The following PPP1R12B variants were observed in gnomAD, a reference collection of about 807,000 sequenced individuals.
PPP1R12B encodes protein phosphatase 1 regulatory subunit 12B.
In PPP1R12B, 76 loss-of-function variants were observed where a neutral mutation model predicts 126.1. That is an observed-to-expected ratio of 0.60 (90% CI 0.50 to 0.73). The LOEUF is 0.73. Among genes scored for constraint, PPP1R12B ranks in the 30% least tolerant of loss-of-function variants. PPP1R12B has a pLI of 0.00. For missense variants in PPP1R12B, 1,052 were observed against 1,205.1 expected (o/e 0.87, Z 1.88); for synonymous variants, 356 against 434.7 (o/e 0.82, Z 2.25).
rs1346811466 is a variant in PPP1R12B, at chr1:202,582,350, C to A, written c.*1790C>A. The A allele has an allele frequency of 6.6e-6, 1 of 152,596 alleles. No individual in the cohort carries two copies. The highest frequency in any genetic ancestry group is 2.4e-5 in the African/African-American group (1 of 41,434). The allele number at this position is 152,596 out of a possible 1,614,324, so 9.5% of individuals were successfully genotyped here. On this transcript the variant is annotated 3_prime_UTR_variant, in exon 24 of 24. Transcript: ENST00000608999. ...TTAAACCATTAGTTCTTGATGATAA[C>A]CTAGCATTAATACTTACAGTATTTT...
rs1668454868 is a variant in PPP1R12B at position 202,419,160 on chromosome 1, G to A, written c.422+2243G>A. Reference sequence around the variant, plus strand: ...CAGGCTCAATGCTAGTTAGCTGGGTGTTTTTACATTTTTTTTATGAATAAA... The same window carrying A: ...CAGGCTCAATGCTAGTTAGCTGGGTATTTTTACATTTTTTTTATGAATAAA... On this transcript the variant is annotated intron_variant, in intron 2 of 23. Transcript: ENST00000608999. This position sits in a 1 kb window ranked among gnomAD's most constrained non-coding sequence, Gnocchi z 4.6. Among the ~76,000 whole-genome samples, 3 of 152,162 alleles carry A rather than the reference G, an allele frequency of 2.0e-5. No individual in the cohort carries two copies. In the South Asian group the frequency reaches 6.2e-4, roughly 32 times the overall value.
chr1:202,462,026 C>G (rs1674367078), intron 13 of PPP1R12B, among the ~76,000 whole-genome samples: 1 of 152,138 alleles, frequency 6.6e-6, no homozygotes, highest in Non-Finnish European at 1.5e-5. Flanking sequence ...TGTTGTTTTG[C>G]AAACAAGTAC....
chr1:202,439,304 C>T (rs1671286102), intron 10 of PPP1R12B: 1 of 1,416,270 alleles, frequency 7.1e-7, no homozygotes. Context: ...ACAGTGAGGC[C>T]ATCTCCATCC....
In PPP1R12B at chr1:202,493,266, A is replaced by G. The variant is rs776270586; in HGVS notation, c.2094A>G (p.Ala698=). The change falls in exon 15 of 24, where the codon GCA becomes GCG. Residue 698 remains alanine (A), a synonymous_variant. Transcript: ENST00000608999. Reference sequence around the variant, plus strand: ...AGCATGAGCCCTCAGCAGTTCCAGCAACAGAAGCTGGGGAGGGCCAGCAGC... The same window carrying G: ...AGCATGAGCCCTCAGCAGTTCCAGCGACAGAAGCTGGGGAGGGCCAGCAGC... ...PEKHEPSAVP[A]TEAGEGQQPW... is the part of the protein sequence containing the mutation. The G allele has an allele frequency of 5.6e-6, 9 of 1,612,748 alleles. No homozygotes were observed. Among genetic ancestry groups the G allele is most frequent in the African/African-American group, 1.3e-5 (1 of 74,902 alleles).
intron 18 of PPP1R12B, among the ~76,000 whole-genome samples, chr1:202,506,552 T>C (rs1680821744): frequency 6.6e-6 from 1 of 152,214 alleles, no homozygotes; most frequent in Non-Finnish European, 1.5e-5. Context: ...TGTTTGGACT[T>C]CTCTCATGCA....
chr1:202,439,644 T>TC, intron 10 of PPP1R12B: 1 of 766,668 alleles, frequency 1.3e-6, no homozygotes, highest in Non-Finnish European at 2.2e-6. Context: ...AGGCTCCCTG[T>TC]CCACTGCCCT....
chr1:202,446,238 A>C (rs10920406), intron 12 of PPP1R12B, among the ~76,000 whole-genome samples: 2,286 of 74,730 alleles, frequency 0.031, 38 homozygotes, highest in East Asian at 0.13. Flanking sequence ...CTCTCTCTCT[A>C]TATATATATA....
intron 11 of PPP1R12B, among the ~76,000 whole-genome samples, 189 bp downstream of exon 11, chr1:202,440,977 A>G (rs1226075354): frequency 6.6e-6 from 1 of 152,070 alleles, no homozygotes; most frequent in Non-Finnish European, 1.5e-5. Flanking sequence ...TATTTTTCAA[A>G]TTCTAACTCC....
At chr1:202,395,757 T>G (rs759084189) in intron 1 of PPP1R12B, among the ~76,000 whole-genome samples, 3 of 152,222 alleles carry the variant, frequency 2.0e-5, no homozygotes, top group Non-Finnish European at 4.4e-5. Flanking sequence ...TCTGTTTACT[T>G]TAATAACACT....
chr1:202,493,099 G>C lies in PPP1R12B; in HGVS notation c.1942-15G>C. On this transcript the variant is annotated splice_polypyrimidine_tract_variant and intron_variant, in intron 14 of 23. Coordinates refer to ENST00000608999, the MANE Select transcript of PPP1R12B (RefSeq NM_002481.4). ...GTTAGTGTGAAACAGCCCTGATCTT[G>C]TGATATTTTCCCAGGGTGTCACCCT... The C allele has an allele frequency of 6.2e-7, 1 of 1,609,088 alleles. No individual in the cohort carries two copies. The highest frequency in any genetic ancestry group is 1.1e-5 in the South Asian group (1 of 90,918).
chr1:202,472,492 G>T (rs1676059611), intron 13 of PPP1R12B, among the ~76,000 whole-genome samples: 2 of 152,134 alleles, frequency 1.3e-5, no homozygotes, highest in Non-Finnish European at 1.5e-5. Flanking sequence ...GCTTGAATCT[G>T]CCATTCTTAC....
At chr1:202,466,577 C>G (rs1369940209) in intron 13 of PPP1R12B, among the ~76,000 whole-genome samples, 5 of 152,104 alleles carry the variant, frequency 3.3e-5, no homozygotes, top group Admixed American at 6.5e-5. Flanking sequence ...ACTCAGATCT[C>G]TCTCTCCAGC....
At chr1:202,457,013 C>T (rs1673727361) in intron 13 of PPP1R12B, among the ~76,000 whole-genome samples, 1 of 152,124 alleles carries the variant, frequency 6.6e-6, no homozygotes, top group South Asian at 2.1e-4. Context: ...AAACCTCAAA[C>T]TATTATTGGA....
At chr1:202,470,364 A>G (rs1675684037) in intron 13 of PPP1R12B, among the ~76,000 whole-genome samples, 4 of 152,218 alleles carry the variant, frequency 2.6e-5, no homozygotes, top group Admixed American at 1.3e-4. Context: ...AAATACAAAT[A>G]CATCTCTTTT....
intron 18 of PPP1R12B, chr1:202,558,539 C>G (rs1323460618): frequency 4.1e-6 from 1 of 243,440 alleles, no homozygotes; most frequent in Admixed American, 5.6e-5. Context: ...ATAGTCACTC[C>G]TAGAACACAA....
intron 6 of PPP1R12B, among the ~76,000 whole-genome samples, chr1:202,429,589 C>T (rs915781055): frequency 1.3e-5 from 2 of 152,226 alleles, no homozygotes; most frequent in Non-Finnish European, 2.9e-5. Context: ...ATGGAAAACC[C>T]ACCCCATATA....
At chr1:202,474,859 T>A (rs2148802626) in intron 13 of PPP1R12B, among the ~76,000 whole-genome samples, 1 of 152,322 alleles carries the variant, frequency 6.6e-6, no homozygotes, top group African/African-American at 2.4e-5. Context: ...ATTTCCATTA[T>A]TACACAAAGT....
At chr1:202,547,449 T>C (rs1463137477) in intron 18 of PPP1R12B, among the ~76,000 whole-genome samples, 2 of 152,208 alleles carry the variant, frequency 1.3e-5, no homozygotes, top group East Asian at 3.8e-4. Flanking sequence ...TGGAAAGAGT[T>C]CTACCAGTGA....
chr1:202,431,954 AC>A (rs1670242029), intron 8 of PPP1R12B, among the ~76,000 whole-genome samples: 1 of 152,210 alleles, frequency 6.6e-6, no homozygotes, highest in South Asian at 2.1e-4. Context: ...CCCTGTCTCT[AC>A]AAAAAAATTT....
Sources: allele counts gnomAD v4.1 joint callset (sites outside exome capture counted in the v4.1 genomes callset), GRCh38; gene constraint gnomAD v4.1.1; non-coding constraint Gnocchi (gnomAD v3.1); transcripts MANE v1.5; gene names NCBI Gene and HGNC (gene_info 2026-07-23, HGNC 2026-07-21).